The following ARHGAP42 variants were observed in gnomAD, a reference collection of about 807,000 sequenced individuals.
ARHGAP42 encodes Rho GTPase activating protein 42.
ARHGAP42 carries 63 observed loss-of-function variants against 125.0 expected under a neutral mutation model. The ratio of observed to expected loss-of-function variants is 0.50; its 90% CI spans 0.41 to 0.62. ARHGAP42 has a LOEUF of 0.62. ARHGAP42 is among the 20% of genes least tolerant of loss of function. ARHGAP42 has a pLI of 0.00. For synonymous variants in ARHGAP42, 339 were observed against 351.0 expected, an observed-to-expected ratio of 0.97 and a Z score of 0.38; for missense variants, 766 against 1,024.2, an observed-to-expected ratio of 0.75 and a Z score of 3.44.
At chr11:100,804,406 A>G (rs1299605312) in intron 3 of ARHGAP42, among the ~76,000 whole-genome samples, 1 of 152,152 alleles carries the variant, frequency 6.6e-6, no homozygotes, top group Non-Finnish European at 1.5e-5. Flanking sequence ...TATAACCTTC[A>G]TTAAAATTTA....
At chr11:100,768,031 C>T (rs1041356646) in intron 1 of ARHGAP42, among the ~76,000 whole-genome samples, 5 of 152,072 alleles carry the variant, frequency 3.3e-5, no homozygotes, top group African/African-American at 4.8e-5. Context: ...TGAGTGCCCA[C>T]GTTGATAGGT....
chr11:100,782,422 A>G (rs1292899300), intron 2 of ARHGAP42, among the ~76,000 whole-genome samples: 1 of 152,250 alleles, frequency 6.6e-6, no homozygotes, highest in African/African-American at 2.4e-5. Flanking sequence ...CAGAAAGGCA[A>G]TAGCCTTGGA....
intron 3 of ARHGAP42, among the ~76,000 whole-genome samples, chr11:100,848,494 TTTTC>T (rs1309844277): frequency 4.0e-4 from 60 of 151,894 alleles, no homozygotes; most frequent in African/African-American, 1.3e-3. Flanking sequence ...TAACTTTTCT[TTTTC>T]TTTCTTTCTT....
At chr11:100,938,054 A>AT (rs35164833) in intron 8 of ARHGAP42, among the ~76,000 whole-genome samples, 98,519 of 147,210 alleles carry the variant, frequency 0.67, 32,729 homozygotes, top group South Asian at 0.79. Flanking sequence ...CTCTTCTCTG[A>AT]TTTTTTTTTT....
chr11:100,917,463 A>G (rs1002604531), intron 5 of ARHGAP42, among the ~76,000 whole-genome samples: 4 of 152,136 alleles, frequency 2.6e-5, no homozygotes, highest in African/African-American at 9.7e-5. Context: ...AGATTGACCA[A>G]TTCCTAGTGA....
intron 23 of ARHGAP42, among the ~76,000 whole-genome samples, 191 bp from the exon 24 acceptor site, chr11:100,988,522 A>G (rs556089193): frequency 4.6e-5 from 7 of 152,332 alleles, no homozygotes; most frequent in African/African-American, 1.4e-4. Context: ...CCTAGGGTAT[A>G]TGCAAATATT....
At chr11:100,747,689 C>A (rs1370331211) in intron 1 of ARHGAP42, among the ~76,000 whole-genome samples, 1 of 152,180 alleles carries the variant, frequency 6.6e-6, no homozygotes, top group Admixed American at 6.5e-5. Flanking sequence ...TCTTTTTCCT[C>A]CTTATAATCC....
At chr11:100,957,640 A>G (rs889343970) in intron 12 of ARHGAP42, among the ~76,000 whole-genome samples, 2 of 152,106 alleles carry the variant, frequency 1.3e-5, no homozygotes, top group African/African-American at 2.4e-5. Context: ...ATTCTTCCAC[A>G]TCTCTGAATT....
intron 3 of ARHGAP42, among the ~76,000 whole-genome samples, chr11:100,844,600 A>C (rs1401122065): frequency 2.0e-5 from 3 of 151,878 alleles, no homozygotes; most frequent in Non-Finnish European, 2.9e-5. Flanking sequence ...ACAAATCAAC[A>C]AGAAAAAAAA....
chr11:100,903,544 C>G (rs1473720392), intron 4 of ARHGAP42, among the ~76,000 whole-genome samples: 1 of 151,264 alleles, frequency 6.6e-6, no homozygotes, highest in Non-Finnish European at 1.5e-5. Context: ...TTGTCCCTAA[C>G]TTGATGTCAG....
chr11:100,934,506 T>G (rs1254961643), intron 7 of ARHGAP42, among the ~76,000 whole-genome samples: 2 of 152,234 alleles, frequency 1.3e-5, no homozygotes, highest in African/African-American at 4.8e-5. Flanking sequence ...CCTTTTAGTC[T>G]CTGATTGCAT....
intron 1 of ARHGAP42, among the ~76,000 whole-genome samples, chr11:100,741,393 C>G (rs1477465368): frequency 6.6e-6 from 1 of 152,290 alleles, no homozygotes; most frequent in Non-Finnish European, 1.5e-5. Flanking sequence ...AGACACATCT[C>G]AGTCTGTAAA....
intron 2 of ARHGAP42, among the ~76,000 whole-genome samples, chr11:100,781,644 A>G (rs1863314564): frequency 1.3e-5 from 2 of 152,218 alleles, no homozygotes; most frequent in Non-Finnish European, 2.9e-5. Context: ...TATTCTTGTC[A>G]GAGGAATTAA....
In ARHGAP42 at chr11:100,992,509, T is replaced by G. The variant is rs776801663; in HGVS notation, c.*3708T>G. The G allele has an allele frequency of 6.2e-7, 1 of 1,614,114 alleles. No individual in the cohort carries two copies. The highest frequency in any genetic ancestry group is 1.3e-5 in the African/African-American group (1 of 75,064). On this transcript the variant is annotated 3_prime_UTR_variant, in exon 24 of 24. Coordinates refer to ENST00000298815, the MANE Select transcript of ARHGAP42 (RefSeq NM_152432.4). Reference sequence around the variant, plus strand: ...TCAAGACACTTTTAAGAAACAAAGATAGTTTTCTGAACATTCTGTGTCCTG... The same window carrying G: ...TCAAGACACTTTTAAGAAACAAAGAGAGTTTTCTGAACATTCTGTGTCCTG...
At position 100,695,677 on chromosome 11, in the gene ARHGAP42, C is replaced by A. The variant is rs1159381246; in HGVS notation, c.154+7845C>A. On this transcript the variant is annotated intron_variant, in intron 1 of 23. Transcript: ENST00000298815. ...TCTTTTTATCTGCAGTATTCTGATTCTTTTATCAAAAATCCAGTTATAATA... is the reference window on the plus strand; with the variant it reads ...TCTTTTTATCTGCAGTATTCTGATTATTTTATCAAAAATCCAGTTATAATA... Among the ~76,000 whole-genome samples the A allele has an allele frequency of 3.3e-5, 5 of 152,240 alleles. No homozygotes were observed. The South Asian group carries it at 1.0e-3, about 32-fold the overall frequency.
intron 4 of ARHGAP42, among the ~76,000 whole-genome samples, chr11:100,897,398 G>A (rs1186733950): frequency 1.3e-5 from 2 of 152,150 alleles, no homozygotes; most frequent in African/African-American, 2.4e-5. Context: ...TAGCTTGATG[G>A]GGATGGCATT....
chr11:100,976,160 C>T lies in ARHGAP42; in HGVS notation c.1959C>T (p.Cys653=). ...EQNSTTKSAS[C]QPREKSGGIP... is the part of the protein sequence containing the mutation. ...ATAGCACTACAAAGTCAGCTTCCTGCCAGCCCAGGGAGAAATCTGGAGGGA... is the reference window on the plus strand; with the variant it reads ...ATAGCACTACAAAGTCAGCTTCCTGTCAGCCCAGGGAGAAATCTGGAGGGA... Residue 653 remains cysteine, a synonymous_variant, in exon 20 of 24, where the codon TGC becomes TGT. Transcript: ENST00000298815. 6.4e-7 allele frequency: 1 copy of T among 1,551,658 alleles called. No homozygotes were observed. The highest frequency in any genetic ancestry group is 1.2e-5 in the South Asian group (1 of 84,036).
chr11:100,693,631 C>G (rs942422370), intron 1 of ARHGAP42, among the ~76,000 whole-genome samples: 6 of 152,140 alleles, frequency 3.9e-5, no homozygotes, highest in Non-Finnish European at 5.9e-5. Context: ...AAAGGCCTCT[C>G]CTGGGTTCGG....
At chr11:100,870,687 A>G (rs1282282934) in intron 4 of ARHGAP42, among the ~76,000 whole-genome samples, 1 of 152,210 alleles carries the variant, frequency 6.6e-6, no homozygotes, top group African/African-American at 2.4e-5. Context: ...CAAGTACTCA[A>G]TAAAATTGGA....
Sources: gnomAD v4.1 joint callset for allele counts (sites outside exome capture counted in the v4.1 genomes callset) on GRCh38, gnomAD v4.1.1 for gene constraint, MANE v1.5 for transcripts, NCBI Gene and HGNC (gene_info 2026-07-23, HGNC 2026-07-21) for gene names.